The following GLCCI1 variants were observed in gnomAD, a reference collection of about 807,000 sequenced individuals.
GLCCI1 encodes glucocorticoid induced 1, also known as glucocorticoid-induced transcript 1 protein.
GLCCI1 carries 24 observed loss-of-function variants against 52.2 expected under a neutral mutation model. The ratio of observed to expected loss-of-function variants is 0.46; its 90% CI spans 0.33 to 0.65. The LOEUF (loss-of-function observed/expected upper bound fraction) is 0.65, where lower values mean the gene tolerates loss of function less well. Among genes scored for constraint, GLCCI1 ranks in the 30% least tolerant of loss-of-function variants. GLCCI1 has a pLI of 0.02. For synonymous variants in GLCCI1, 310 were observed against 276.5 expected, an observed-to-expected ratio of 1.12 and a Z score of -1.20; for missense variants, 704 against 701.5, an observed-to-expected ratio of 1.00 and a Z score of -0.04.
intron 1 of GLCCI1, among the ~76,000 whole-genome samples, chr7:7,988,628 G>A (rs769091207): frequency 2.0e-5 from 3 of 152,090 alleles, no homozygotes; most frequent in Admixed American, 2.0e-4. Context: ...ACCTAATGTG[G>A]AGAGTAAGGT....
chr7:7,982,435 A>G (rs1295679569), intron 1 of GLCCI1, among the ~76,000 whole-genome samples: 3 of 152,192 alleles, frequency 2.0e-5, no homozygotes, highest in Non-Finnish European at 2.9e-5. Context: ...CACTAATGTT[A>G]TTGTTATACA....
At chr7:8,045,963 C>CAAA (rs34250934) in intron 3 of GLCCI1, among the ~76,000 whole-genome samples, 79 of 144,412 alleles carry the variant, frequency 5.5e-4, no homozygotes, top group South Asian at 1.3e-3. Context: ...ACCACAATTC[C>CAAA]AAAAAAAAAA....
chr7:8,025,189 A>G (rs1781587974), intron 3 of GLCCI1, among the ~76,000 whole-genome samples: 1 of 152,126 alleles, frequency 6.6e-6, no homozygotes, highest in South Asian at 2.1e-4. Context: ...GGCTCAGGCC[A>G]CCGATGTGTT....
In GLCCI1 at chr7:8,071,771, G is replaced by A. The variant is rs1423598541; in HGVS notation, c.1177+640G>A. Among the ~76,000 whole-genome samples, 3 of 152,112 alleles carry A rather than the reference G, an allele frequency of 2.0e-5. No individual in the cohort carries two copies. The East Asian group carries it at 5.8e-4, about 29-fold the overall frequency. On this transcript the variant is annotated intron_variant, in intron 6 of 7. Transcript: ENST00000223145. ...TCTAGCCCCCTAAGACCTAGCTACA[G>A]AAGGCCATATAGACTGCCCAGCTTC...
In GLCCI1 at chr7:7,991,863, G is replaced by C. The variant is rs565608709; in HGVS notation, c.458-12045G>C. ...GCACTTGGAACTTTGTGAGTGTCAGGCTTGGAGGGAGAGAATAGGCAAAAA... is the reference window on the plus strand; with the variant it reads ...GCACTTGGAACTTTGTGAGTGTCAGCCTTGGAGGGAGAGAATAGGCAAAAA... On this transcript the variant is annotated intron_variant, in intron 1 of 7. Coordinates refer to ENST00000223145, the MANE Select transcript of GLCCI1 (RefSeq NM_138426.4). Among the ~76,000 whole-genome samples the C allele has an allele frequency of 5.3e-5, 8 of 152,072 alleles. No individual in the cohort carries two copies. The South Asian group carries it at 1.2e-3, about 24-fold the overall frequency.
chr7:7,969,641 G>T lies in GLCCI1; in HGVS notation c.291G>T (p.Gly97=), dbSNP rs1362622154. Residue 97 remains glycine, a synonymous_variant, in exon 1 of 8, where the codon GGG becomes GGT. Transcript: ENST00000223145. The surrounding 1 kb of genome is among the most constrained non-coding windows in gnomAD (Gnocchi z 4.9). ...AAAASLGSLP[G]PGAARGPSPS... is the part of the protein sequence containing the mutation. The stretch of plus-strand genomic sequence containing the variant: ...CCGCCTCGCTGGGCAGCCTCCCGGG[G>T]CCCGGCGCGGCCCGCGGCCCCAGCC... 6 of 1,012,478 alleles carry T rather than the reference G, an allele frequency of 5.9e-6. No homozygotes were observed. In the South Asian group the frequency reaches 1.3e-4, roughly 21 times the overall value. 62.7% of individuals were successfully genotyped at this position (1,012,478 alleles called of 1,614,324 possible). A position where few individuals can be genotyped will look rare whatever the true frequency, so the allele number is the denominator to read the frequency against.
intron 6 of GLCCI1, chr7:8,078,519 A>G (rs556909098): frequency 1.3e-5 from 2 of 152,344 alleles, no homozygotes; most frequent in East Asian, 3.9e-4. Context: ...TCATTCTACA[A>G]ACTGTTAAAG....
intron 6 of GLCCI1, among the ~76,000 whole-genome samples, chr7:8,077,569 A>G (rs1485820906): frequency 3.9e-5 from 6 of 152,208 alleles, no homozygotes; most frequent in African/African-American, 1.4e-4. Context: ...ATCGATCTGT[A>G]TCTCCTCACC....
At chr7:7,996,621 TGAGCTGTAACCTA>T (rs1244975003) in intron 1 of GLCCI1, among the ~76,000 whole-genome samples, 1 of 152,212 alleles carries the variant, frequency 6.6e-6, no homozygotes, top group African/African-American at 2.4e-5. Flanking sequence ...GTTTATTGGG[TGAGCTGTAACCTA>T]GAGAATCATG....
At chr7:8,035,629 G>A (rs17142255) in intron 3 of GLCCI1, among the ~76,000 whole-genome samples, 7,983 of 152,258 alleles carry the variant, frequency 0.052, 312 homozygotes, top group East Asian at 0.18. Context: ...TATGTTTTAG[G>A]CTGAAGACAG....
intron 6 of GLCCI1, among the ~76,000 whole-genome samples, chr7:8,083,533 T>C (rs1162136747): frequency 1.3e-5 from 2 of 152,162 alleles, no homozygotes; most frequent in Non-Finnish European, 2.9e-5. Flanking sequence ...ATGCAAGATG[T>C]AGGATAAATA....
At chr7:8,060,021 A>G (rs1001490501) in intron 4 of GLCCI1, 75 bp from the exon 5 acceptor site, 28 of 1,205,274 alleles carry the variant, frequency 2.3e-5, no homozygotes, top group Admixed American at 8.1e-5. Context: ...TTCAATTTTA[A>G]TATTTACCAT....
chr7:7,983,528 C>T (rs574044848), intron 1 of GLCCI1, among the ~76,000 whole-genome samples: 1 of 152,256 alleles, frequency 6.6e-6, no homozygotes, highest in Admixed American at 6.5e-5. Flanking sequence ...CTGTGCTTCA[C>T]CAAATAATAG....
intron 1 of GLCCI1, among the ~76,000 whole-genome samples, chr7:7,992,453 C>T (rs1043306300): frequency 2.6e-5 from 4 of 151,922 alleles, no homozygotes; most frequent in Admixed American, 2.0e-4. Flanking sequence ...AACAATATTC[C>T]GTAAGTTCTT....
At chr7:8,041,120 A>G (rs1327240280) in intron 3 of GLCCI1, among the ~76,000 whole-genome samples, 1 of 152,204 alleles carries the variant, frequency 6.6e-6, no homozygotes, top group African/African-American at 2.4e-5. Flanking sequence ...TAAAAATTCT[A>G]CTCAAACAAA....
chr7:8,046,432 A>G (rs1162255219), intron 3 of GLCCI1, among the ~76,000 whole-genome samples: 1 of 152,176 alleles, frequency 6.6e-6, no homozygotes, highest in East Asian at 1.9e-4. Context: ...GGAAAAACTG[A>G]CCAGCATTTA....
At chr7:8,021,501 C>T (rs1417421633) in intron 2 of GLCCI1, among the ~76,000 whole-genome samples, 1 of 152,024 alleles carries the variant, frequency 6.6e-6, no homozygotes, top group African/African-American at 2.4e-5. Context: ...CAGCCTCTGC[C>T]TCCCGGGTTC....
chr7:8,014,227 C>T (rs1781332256), intron 2 of GLCCI1, among the ~76,000 whole-genome samples: 1 of 152,070 alleles, frequency 6.6e-6, no homozygotes, highest in African/African-American at 2.4e-5. Flanking sequence ...CTCAGGTGGA[C>T]CTCAGGTGAT....
At chr7:7,976,921 CAA>C (rs35442365) in intron 1 of GLCCI1, among the ~76,000 whole-genome samples, 18 of 118,748 alleles carry the variant, frequency 1.5e-4, no homozygotes, top group East Asian at 2.4e-4. Context: ...GGTGTTGTCT[CAA>C]AAAAAAAAAA....
Sources: allele counts gnomAD v4.1 joint callset (sites outside exome capture counted in the v4.1 genomes callset), GRCh38; gene constraint gnomAD v4.1.1; non-coding constraint Gnocchi (gnomAD v3.1); transcripts MANE v1.5; gene names NCBI Gene and HGNC (gene_info 2026-07-23, HGNC 2026-07-21).